FAM107B: variants seen among roughly 807,000 people sequenced by gnomAD.
The protein encoded by FAM107B is family with sequence similarity 107 member B.
FAM107B carries 21 observed loss-of-function variants against 31.5 expected under a neutral mutation model. That is an observed-to-expected ratio of 0.67 (90% confidence interval 0.47 to 0.96). FAM107B has a LOEUF of 0.96. FAM107B is among the 40% of genes least tolerant of loss of function. The probability of loss-of-function intolerance (pLI) is 0.00; values close to 1 mark genes in which losing one functional copy is unlikely to be tolerated. For synonymous variants in FAM107B, 157 were observed against 141.5 expected (o/e 1.11, Z -0.78); for missense variants, 452 against 377.1 (o/e 1.20, Z -1.64).
chr10:14,739,548 T>C (rs978603444), intron 1 of FAM107B, among the ~76,000 whole-genome samples: 38 of 152,196 alleles, frequency 2.5e-4, no homozygotes, highest in African/African-American at 8.4e-4. Flanking sequence ...GGACCAATTT[T>C]ACTCCTGGAA....
intron 1 of FAM107B, among the ~76,000 whole-genome samples, chr10:14,745,623 CTTAA>C (rs1832711242): frequency 2.0e-5 from 3 of 152,132 alleles, no homozygotes; most frequent in Non-Finnish European, 4.4e-5. Context: ...GAGTGAGTTT[CTTAA>C]TCTTGAGTTC....
chr10:14,585,732 C>A (rs1851802194), intron 2 of FAM107B, among the ~76,000 whole-genome samples: 2 of 152,206 alleles, frequency 1.3e-5, no homozygotes, highest in South Asian at 4.1e-4. Context: ...GACAGGTAAA[C>A]CATGGACTCA....
chr10:14,544,882 C>T (rs1848554259), intron 2 of FAM107B, among the ~76,000 whole-genome samples: 1 of 152,110 alleles, frequency 6.6e-6, no homozygotes, highest in African/African-American at 2.4e-5. Flanking sequence ...ACAGTATGCC[C>T]TTTACTTTGG....
rs571164337 is a variant in FAM107B at position 14,644,462 on chromosome 10, CTAAG to C, written c.469+23168_469+23171del. On this transcript the variant is annotated intron_variant, in intron 2 of 4. Transcript: ENST00000181796. ...TTTCATGCGTATGCTGCCTGCCCTG[CTAAG>C]TAAGACCCATTACACCATGTACATT... Among the ~76,000 whole-genome samples, 266 of 152,310 alleles carry C rather than the reference CTAAG, an allele frequency of 1.7e-3. 1 individual carries two copies. Among genetic ancestry groups the C allele is most frequent in the Middle Eastern group, 6.8e-3 (2 of 294 alleles).
chr10:14,723,686 C>T lies in FAM107B; in HGVS notation c.411+50567G>A, dbSNP rs868441914. The T allele has an allele frequency of 6.7e-6, 5 of 751,394 alleles. 1 individual carries two copies. The highest frequency in any genetic ancestry group is 3.6e-4 in the Middle Eastern group (1 of 2,746). The allele number at this position is 751,394 out of a possible 1,614,324, so 46.5% of individuals were successfully genotyped here. ...TGGCAGTCAGCTCTGGGGTCAGTAA[C>T]CACAAGAAGTCATGGCTCCCAGAAG... is the stretch of plus-strand genomic sequence containing the variant. On this transcript the variant is annotated intron_variant, in intron 1 of 4. Transcript: ENST00000181796.
chr10:14,592,764 T>A (rs1279068974), intron 2 of FAM107B, among the ~76,000 whole-genome samples: 4 of 152,232 alleles, frequency 2.6e-5, no homozygotes, highest in Admixed American at 2.6e-4. Flanking sequence ...GACTGGGGCC[T>A]GCTTCTAACT....
chr10:14,661,899 G>A (rs1161261145), intron 2 of FAM107B, among the ~76,000 whole-genome samples: 1 of 152,192 alleles, frequency 6.6e-6, no homozygotes, highest in Non-Finnish European at 1.5e-5. Context: ...TCGCTGACAT[G>A]CAGTTCTCTC....
intron 2 of FAM107B, among the ~76,000 whole-genome samples, chr10:14,550,452 A>C (rs1354374606): frequency 6.6e-6 from 1 of 152,196 alleles, no homozygotes; most frequent in African/African-American, 2.4e-5. Flanking sequence ...CATTGCAATC[A>C]AGTCTGTTAC....
chr10:14,729,158 AT>A (rs957158850), intron 1 of FAM107B, among the ~76,000 whole-genome samples: 2 of 150,794 alleles, frequency 1.3e-5, no homozygotes, highest in Non-Finnish European at 3.0e-5. Context: ...ATACCTGGCT[AT>A]TTTTTTTTAT....
At chr10:14,681,202 A>C (rs1854825341) in intron 1 of FAM107B, among the ~76,000 whole-genome samples, 1 of 152,254 alleles carries the variant, frequency 6.6e-6, no homozygotes, top group Non-Finnish European at 1.5e-5. Context: ...GAAGAAATGC[A>C]GAGGACCTGG....
At chr10:14,750,837 C>G (rs376436939) in intron 1 of FAM107B, among the ~76,000 whole-genome samples, 1 of 152,092 alleles carries the variant, frequency 6.6e-6, no homozygotes, top group Non-Finnish European at 1.5e-5. Flanking sequence ...GGGAAGGGGG[C>G]TCCAAGGGTG....
chr10:14,577,187 TCGATGTGTACTTA>T (rs1002905247), intron 2 of FAM107B, among the ~76,000 whole-genome samples: 2 of 152,252 alleles, frequency 1.3e-5, no homozygotes, highest in African/African-American at 4.8e-5. Context: ...TTGCGTATTC[TCGATGTGTACTTA>T]CAAAGGTGTT....
At chr10:14,720,569 T>C (rs886884449) in intron 1 of FAM107B, among the ~76,000 whole-genome samples, 1 of 152,202 alleles carries the variant, frequency 6.6e-6, no homozygotes. Flanking sequence ...TTGGTCTTTT[T>C]AAAGTAAATT....
At chr10:14,528,198 T>C (rs1265391937) in intron 3 of FAM107B, among the ~76,000 whole-genome samples, 131 of 105,518 alleles carry the variant, frequency 1.2e-3, no homozygotes, top group African/African-American at 4.3e-3. Context: ...TTTTTTTTTT[T>C]AGAGACAGAG....
At chr10:14,751,158 A>T (rs1258509270) in intron 1 of FAM107B, among the ~76,000 whole-genome samples, 1 of 152,166 alleles carries the variant, frequency 6.6e-6, no homozygotes, top group African/African-American at 2.4e-5. Flanking sequence ...TCCCTTCCTC[A>T]TTAGGGTCCC....
rs200641129 is a variant in FAM107B, at chr10:14,774,418, A to G, written c.246T>C (p.His82=). 2 of 1,614,048 alleles carry G rather than the reference A, an allele frequency of 1.2e-6. No homozygotes were observed. Among genetic ancestry groups the G allele is most frequent in the African/African-American group, 1.3e-5 (1 of 74,910 alleles). The change falls in exon 1 of 5, where the codon CAT becomes CAC. Residue 82 remains histidine (H), a synonymous_variant. Transcript: ENST00000181796. ...GATTCGCACTGCCATTTCTCTCTGC[A>G]TGGGTGCTCGAATCTTGCCTTTTCT... is the stretch of plus-strand genomic sequence containing the variant. ...APEKRQDSST[H]AERNGSANRN... is the part of the protein sequence containing the mutation.
At chr10:14,705,024 A>AAAG (rs1491215193) in intron 1 of FAM107B, among the ~76,000 whole-genome samples, 82 of 16,796 alleles carry the variant, frequency 4.9e-3, no homozygotes, top group African/African-American at 0.013. Context: ...ACCCTGTCAC[A>AAAG]AAAAAAAAAA....
At chr10:14,592,512 C>G (rs1474824281) in intron 2 of FAM107B, among the ~76,000 whole-genome samples, 1 of 152,172 alleles carries the variant, frequency 6.6e-6, no homozygotes, top group Non-Finnish European at 1.5e-5. Flanking sequence ...GATTTTGCAT[C>G]CTTAACAGTG....
At chr10:14,709,892 AAGAT>A in intron 1 of FAM107B, among the ~76,000 whole-genome samples, 1 of 152,326 alleles carries the variant, frequency 6.6e-6, no homozygotes, top group Non-Finnish European at 1.5e-5. Flanking sequence ...AGACAGTAAA[AAGAT>A]AGCAGTTGCC....
Sources: allele counts gnomAD v4.1 joint callset (sites outside exome capture counted in the v4.1 genomes callset), GRCh38; gene constraint gnomAD v4.1.1; transcripts MANE v1.5; gene names NCBI Gene and HGNC (gene_info 2026-07-23, HGNC 2026-07-21).